FARS2: variants seen among roughly 807,000 people sequenced by gnomAD.
The protein encoded by FARS2 is phenylalanine--tRNA ligase, mitochondrial.
A neutral mutation model predicts 46.4 loss-of-function variants in FARS2; 40 were observed. The observed-to-expected ratio is 0.86, with a 90% CI of 0.67 to 1.12. The LOEUF (loss-of-function observed/expected upper bound fraction) is 1.12. Ranked by LOEUF, FARS2 falls within the 50% of genes most tolerant of loss-of-function variation. The probability of loss-of-function intolerance (pLI) is 0.00; values close to 1 mark genes in which losing one functional copy is unlikely to be tolerated. For missense variants in FARS2, 513 were observed against 567.9 expected, an observed-to-expected ratio of 0.90 and a Z score of 0.98; for synonymous variants, 234 against 214.9, an observed-to-expected ratio of 1.09 and a Z score of -0.78.
chr6:5,653,785 T>C (rs1561779438), intron 6 of FARS2, among the ~76,000 whole-genome samples: 1 of 152,194 alleles, frequency 6.6e-6, no homozygotes, highest in Non-Finnish European at 1.5e-5. Flanking sequence ...ACCCTGGGGA[T>C]GCACCAAAGC....
At chr6:5,622,493 A>T (rs1775824597) in intron 6 of FARS2, among the ~76,000 whole-genome samples, 1 of 152,202 alleles carries the variant, frequency 6.6e-6, no homozygotes, top group Non-Finnish European at 1.5e-5. Flanking sequence ...GGTATTAAGA[A>T]ACGAGGCCTT....
At chr6:5,523,991 G>A (rs1769309553) in intron 4 of FARS2, among the ~76,000 whole-genome samples, 2 of 150,990 alleles carry the variant, frequency 1.3e-5, no homozygotes, top group Admixed American at 1.3e-4. Flanking sequence ...AGAACATGAT[G>A]AATTCTTAGT....
intron 4 of FARS2, among the ~76,000 whole-genome samples, chr6:5,526,138 G>C (rs1157181662): frequency 1.3e-5 from 2 of 152,136 alleles, no homozygotes; most frequent in Non-Finnish European, 2.9e-5. Context: ...TTAGAAGTTA[G>C]AGATGGGAGT....
chr6:5,634,794 G>A (rs1179783513), intron 6 of FARS2, among the ~76,000 whole-genome samples: 1 of 152,132 alleles, frequency 6.6e-6, no homozygotes, highest in Non-Finnish European at 1.5e-5. Flanking sequence ...AGAAGTAACT[G>A]GAATGCAAAG....
chr6:5,576,589 C>A (rs9502318), intron 5 of FARS2, among the ~76,000 whole-genome samples: 2 of 144,870 alleles, frequency 1.4e-5, no homozygotes, highest in East Asian at 4.0e-4. Flanking sequence ...GATATATACT[C>A]TATATATGAT....
At chr6:5,256,489 TGGAAAAAAAAAAA>T (rs1764674171), upstream of FARS2, among the ~76,000 whole-genome samples, 1 of 10,498 alleles carries the variant, frequency 9.5e-5, no homozygotes, top group African/African-American at 7.0e-4. Context: ...AGATTTCAAC[TGGAAAAAAAAAAA>T]AAAAAAAAAA....
At position 5,764,908 on chromosome 6, in the gene FARS2, T is replaced by C. The variant is rs1259412403; in HGVS notation, c.1218-6383T>C. ...AGAGTTCTTTAGAAAATCTCCTTCT[T>C]GGCACACTTTGAACTGGAGAGCAGT... On this transcript the variant is annotated intron_variant, in intron 6 of 6. Transcript: ENST00000274680. The surrounding 1 kb of genome is among the most constrained non-coding windows in gnomAD (Gnocchi z 4.1). 6.6e-6 allele frequency among the ~76,000 whole-genome samples: 1 copy of C among 152,252 alleles called. No individual in the cohort carries two copies. The highest frequency in any genetic ancestry group is 1.5e-5 in the Non-Finnish European group (1 of 68,042).
chr6:5,402,752 A>G (rs1477697576), intron 2 of FARS2, among the ~76,000 whole-genome samples: 3 of 151,970 alleles, frequency 2.0e-5, no homozygotes, highest in Non-Finnish European at 2.9e-5. Flanking sequence ...TTTTATTGTA[A>G]CTATGGTTTT....
At chr6:5,386,057 A>T (rs931139580) in intron 2 of FARS2, among the ~76,000 whole-genome samples, 1 of 152,162 alleles carries the variant, frequency 6.6e-6, no homozygotes, top group African/African-American at 2.4e-5. Flanking sequence ...ATAGAGAGAG[A>T]TGAAGTATAA....
In FARS2 at chr6:5,604,182, G is replaced by A. The variant is rs547579107; in HGVS notation, c.1066-8987G>A. On this transcript the variant is annotated intron_variant, in intron 5 of 6. Coordinates refer to ENST00000274680, the MANE Select transcript of FARS2 (RefSeq NM_006567.5). ...CAAGTCTTTGCTTGGTGGCTTATGCGGATATGTGCGAGGTTGCCAGGGGGC... is the reference window on the plus strand; with the variant it reads ...CAAGTCTTTGCTTGGTGGCTTATGCAGATATGTGCGAGGTTGCCAGGGGGC... Among the ~76,000 whole-genome samples, 5 of 152,146 alleles carry A rather than the reference G, an allele frequency of 3.3e-5. No homozygotes were observed. The South Asian group carries it at 8.3e-4, about 25-fold the overall frequency.
At chr6:5,299,361 C>T (rs1311950102) in intron 1 of FARS2, among the ~76,000 whole-genome samples, 1 of 152,184 alleles carries the variant, frequency 6.6e-6, no homozygotes, top group East Asian at 1.9e-4. Context: ...TTGAACCATA[C>T]AGTCAATCTG....
intron 6 of FARS2, among the ~76,000 whole-genome samples, chr6:5,753,667 T>A (rs1000134176): frequency 2.6e-5 from 4 of 152,238 alleles, no homozygotes; most frequent in Non-Finnish European, 2.9e-5. Flanking sequence ...CTCTCTGCTC[T>A]GTTTTGATTT....
At chr6:5,684,922 G>A (rs1432114803) in intron 6 of FARS2, among the ~76,000 whole-genome samples, 2 of 152,166 alleles carry the variant, frequency 1.3e-5, no homozygotes, top group East Asian at 1.9e-4. Context: ...AAGAATTTGT[G>A]TGCCTTCCCC....
chr6:5,616,035 A>AG (rs1775461639), intron 6 of FARS2, among the ~76,000 whole-genome samples: 1 of 141,564 alleles, frequency 7.1e-6, no homozygotes, highest in African/African-American at 2.7e-5. Flanking sequence ...AAAAAAAAAA[A>AG]CAACGAAACA....
chr6:5,648,359 C>T (rs1430223721), intron 6 of FARS2, among the ~76,000 whole-genome samples: 1 of 152,184 alleles, frequency 6.6e-6, no homozygotes, highest in African/African-American at 2.4e-5. Flanking sequence ...ATACAGGGTC[C>T]CCCCAGATCT....
intron 6 of FARS2, among the ~76,000 whole-genome samples, chr6:5,692,235 G>A (rs1235286307): frequency 6.6e-6 from 1 of 152,176 alleles, no homozygotes; most frequent in Non-Finnish European, 1.5e-5. Context: ...GATGAACCCG[G>A]TACCTCAGTT....
At chr6:5,454,581 T>C (rs950624650) in intron 4 of FARS2, among the ~76,000 whole-genome samples, 1 of 152,160 alleles carries the variant, frequency 6.6e-6, no homozygotes, top group Non-Finnish European at 1.5e-5. Context: ...CCTGACCTTG[T>C]GACCCACCCA....
chr6:5,277,005 G>A (rs191766981), intron 1 of FARS2, among the ~76,000 whole-genome samples: 28 of 152,294 alleles, frequency 1.8e-4, no homozygotes, highest in African/African-American at 5.8e-4. Flanking sequence ...GCATTGTGGT[G>A]TAAAGAGAAA....
intron 6 of FARS2, among the ~76,000 whole-genome samples, chr6:5,730,937 A>G (rs911690360): frequency 6.6e-6 from 1 of 152,226 alleles, no homozygotes; most frequent in Non-Finnish European, 1.5e-5. Context: ...AACTTGCCCA[A>G]TGTCACACAG....
Sources: allele counts gnomAD v4.1 joint callset (sites outside exome capture counted in the v4.1 genomes callset), GRCh38; gene constraint gnomAD v4.1.1; non-coding constraint Gnocchi (gnomAD v3.1); transcripts MANE v1.5; gene names NCBI Gene and HGNC (gene_info 2026-07-23, HGNC 2026-07-21).